Variants in CELF2 observed in about 807,000 individuals in gnomAD.
CELF2 encodes CUG triplet repeat RNA-binding protein 2.
A neutral mutation model predicts 62.6 loss-of-function variants in CELF2; 8 were observed. That is an observed-to-expected ratio of 0.13 (90% confidence interval 0.07 to 0.23). The LOEUF (loss-of-function observed/expected upper bound fraction) is 0.23, where lower values mean the gene tolerates loss of function less well. CELF2 is among the 10% of genes least tolerant of loss of function. CELF2 has a pLI of 1.00. For missense variants in CELF2, 333 were observed against 671.0 expected (o/e 0.50, Z 5.56); for synonymous variants, 258 against 250.0 (o/e 1.03, Z -0.30).
chr10:11,156,558 T>C lies in CELF2; in HGVS notation c.75-8928T>C, dbSNP rs1288487953. ...TTATTTGCCTATTTCATGCCCACTC[T>C]AGAATATAACTCCGTGAAGACTGTT... On this transcript the variant is annotated intron_variant, in intron 1 of 12. Transcript: ENST00000633077. This position sits in a 1 kb window ranked among gnomAD's most constrained non-coding sequence, Gnocchi z 4.3. Among the ~76,000 whole-genome samples, 1 of 152,180 alleles carries C rather than the reference T, an allele frequency of 6.6e-6. No individual in the cohort carries two copies. The highest frequency in any genetic ancestry group is 1.9e-4 in the East Asian group (1 of 5,202).
the CELF2 span, among the ~76,000 whole-genome samples, chr10:10,685,485 G>A: frequency 6.6e-6 from 1 of 151,968 alleles, no homozygotes; most frequent in African/African-American, 2.4e-5. Flanking sequence ...TAATGACAAT[G>A]GCAATCACAT....
At position 10,997,635 on chromosome 10, in the gene CELF2, T is replaced by TG. The variant is rs1443508308; in HGVS notation, c.89+77637dup. On this transcript the variant is annotated intron_variant, in intron 2 of 13. Coordinates refer to the CELF2 transcript ENST00000636488. This position sits in a 1 kb window ranked among gnomAD's most constrained non-coding sequence, Gnocchi z 5.3. ...CACTTTGAGCAGGAAGAAAGGGAGT[T>TG]GCTTGTGCCTTTGCTTCCTCTAAAA... Among the ~76,000 whole-genome samples, 1 of 152,218 alleles carries TG rather than the reference T, an allele frequency of 6.6e-6. No individual in the cohort carries two copies. Among genetic ancestry groups the TG allele is most frequent in the African/African-American group, 2.4e-5 (1 of 41,456 alleles).
chr10:10,486,670 A>G, the CELF2 span, among the ~76,000 whole-genome samples: 1 of 152,132 alleles, frequency 6.6e-6, no homozygotes, highest in Non-Finnish European at 1.5e-5. Context: ...TTTGAGCGTC[A>G]TGTCAGTGGT....
the CELF2 span, among the ~76,000 whole-genome samples, chr10:10,661,184 T>A: frequency 2.0e-5 from 3 of 152,216 alleles, no homozygotes; most frequent in East Asian, 3.8e-4. Flanking sequence ...TTCCACATCC[T>A]CTTGCAAAGT....
intron 1 of CELF2, among the ~76,000 whole-genome samples, chr10:10,883,967 T>C (rs1311012090): frequency 6.6e-6 from 1 of 150,624 alleles, no homozygotes. Flanking sequence ...CTTCTTACTT[T>C]TGTCCTCCTC....
At chr10:10,865,022 T>G (rs1238044007) in intron 1 of CELF2, among the ~76,000 whole-genome samples, 1 of 152,232 alleles carries the variant, frequency 6.6e-6, no homozygotes, top group Non-Finnish European at 1.5e-5. Flanking sequence ...CTTAATTTGC[T>G]GTATCACCAT....
intron 8 of CELF2, among the ~76,000 whole-genome samples, chr10:11,286,332 T>C (rs2091296681): frequency 6.6e-6 from 1 of 152,216 alleles, no homozygotes; most frequent in African/African-American, 2.4e-5. Flanking sequence ...TATTGTAGGC[T>C]TTGATTTTGG....
chr10:11,210,103 A>T (rs1354206993), intron 2 of CELF2, among the ~76,000 whole-genome samples: 2 of 152,224 alleles, frequency 1.3e-5, no homozygotes, highest in Non-Finnish European at 2.9e-5. Context: ...CGTGTAAAGG[A>T]ATTTCCTATT....
At chr10:10,563,292 A>C in the CELF2 span, among the ~76,000 whole-genome samples, 1 of 152,042 alleles carries the variant, frequency 6.6e-6, no homozygotes, top group African/African-American at 2.4e-5. Flanking sequence ...TCTCAGAAGG[A>C]TCTCTTTTCC....
chr10:10,660,052 C>T, the CELF2 span, among the ~76,000 whole-genome samples: 6 of 152,100 alleles, frequency 3.9e-5, no homozygotes, highest in Admixed American at 1.3e-4. Context: ...GAGAAAGGGG[C>T]CATGAGCCAA....
chr10:10,967,242 G>A (rs1357763301), intron 2 of CELF2, among the ~76,000 whole-genome samples: 19 of 152,322 alleles, frequency 1.2e-4, no homozygotes, highest in South Asian at 2.1e-4. Flanking sequence ...ACAGGTGACC[G>A]CCTGGGATTG....
chr10:11,301,372 T>TCC (rs1424770674), intron 9 of CELF2, among the ~76,000 whole-genome samples: 2 of 28,268 alleles, frequency 7.1e-5, no homozygotes, highest in African/African-American at 2.8e-4. Flanking sequence ...CCACCCCGCT[T>TCC]CCCCCCCACT....
intron 1 of CELF2, among the ~76,000 whole-genome samples, chr10:10,833,487 G>A (rs1026530323): frequency 2.0e-5 from 3 of 152,142 alleles, no homozygotes; most frequent in African/African-American, 7.2e-5. Context: ...CTGTAAATCA[G>A]TTAGAAAGTA....
Position 11,315,843 on chromosome 10 carries a change from G to A in CELF2, c.1096+1585G>A, listed in dbSNP as rs1385393420. Reference sequence around the variant, plus strand: ...TCCTTCACCTAGGTCGAGGACGCGTGTGCTCGCACACATCCCCTCATGCTG... The same window carrying A: ...TCCTTCACCTAGGTCGAGGACGCGTATGCTCGCACACATCCCCTCATGCTG... On this transcript the variant is annotated intron_variant, in intron 10 of 12. Transcript: ENST00000633077. This position sits in a 1 kb window ranked among gnomAD's most constrained non-coding sequence, Gnocchi z 5.8. 6.6e-6 allele frequency among the ~76,000 whole-genome samples: 1 copy of A among 152,226 alleles called. No homozygotes were observed. Among genetic ancestry groups the A allele is most frequent in the Non-Finnish European group, 1.5e-5 (1 of 68,044 alleles).
At chr10:10,629,723 A>T in the CELF2 span, among the ~76,000 whole-genome samples, 2 of 152,086 alleles carry the variant, frequency 1.3e-5, no homozygotes, top group Non-Finnish European at 2.9e-5. Context: ...TCCGGTGAGG[A>T]TGTTGGAGTG....
the CELF2 span, among the ~76,000 whole-genome samples, chr10:10,508,728 G>C: frequency 6.7e-6 from 1 of 149,974 alleles, no homozygotes; most frequent in African/African-American, 2.5e-5. Flanking sequence ...TTGAGATGGA[G>C]TCTCGCTCTG....
At chr10:11,053,771 T>A (rs2477018) in intron 1 of CELF2, among the ~76,000 whole-genome samples, 47,330 of 151,450 alleles carry the variant, frequency 0.31, 8,744 homozygotes, top group African/African-American at 0.51. Context: ...CCCACCACCA[T>A]GCCCGGCTAA....
chr10:11,001,315 G>A (rs1230776250), upstream of CELF2, among the ~76,000 whole-genome samples: 1 of 152,206 alleles, frequency 6.6e-6, no homozygotes, highest in Admixed American at 6.5e-5. Flanking sequence ...AGGCAGGCTA[G>A]ATTTGTGTAC....
chr10:10,541,933 T>C, the CELF2 span, among the ~76,000 whole-genome samples: 1 of 152,330 alleles, frequency 6.6e-6, no homozygotes, highest in East Asian at 1.9e-4. Context: ...CAAACACCTC[T>C]GATAATAGTT....
Sources: allele counts gnomAD v4.1 joint callset (sites outside exome capture counted in the v4.1 genomes callset), GRCh38; gene constraint gnomAD v4.1.1; non-coding constraint Gnocchi (gnomAD v3.1); transcripts MANE v1.5; gene names NCBI Gene and HGNC (gene_info 2026-07-23, HGNC 2026-07-21).